The following NFIB variants were observed in gnomAD, a reference collection of about 807,000 sequenced individuals.
The protein encoded by NFIB is nuclear factor 1 B-type.
A neutral mutation model predicts 61.5 loss-of-function variants in NFIB; 11 were observed. The ratio of observed to expected loss-of-function variants is 0.18; its 90% CI spans 0.11 to 0.30. NFIB has a LOEUF of 0.30. Ranked by LOEUF, NFIB falls within the 10% of genes least tolerant of loss-of-function variation. NFIB has a pLI of 1.00. For synonymous variants in NFIB, 260 were observed against 216.5 expected, an observed-to-expected ratio of 1.20 and a Z score of -1.76; for missense variants, 471 against 608.9, an observed-to-expected ratio of 0.77 and a Z score of 2.38.
At chr9:14,507,951 CACAG>C in the NFIB span, among the ~76,000 whole-genome samples, 1 of 144,444 alleles carries the variant, frequency 6.9e-6, no homozygotes, top group Non-Finnish European at 1.5e-5. Context: ...CACACACAGA[CACAG>C]ACACAGACAC....
intron 1 of NFIB, among the ~76,000 whole-genome samples, chr9:14,380,369 T>C (rs2061473628): frequency 6.6e-6 from 1 of 152,236 alleles, no homozygotes. Context: ...CTAGGACTGA[T>C]GCTTGCCTAA....
the NFIB span, among the ~76,000 whole-genome samples, chr9:14,506,024 G>A: frequency 7.7e-4 from 117 of 152,216 alleles, no homozygotes; most frequent in African/African-American, 2.7e-3. Flanking sequence ...TAAAACATAT[G>A]CAGCCAAATA....
intron 6 of NFIB, among the ~76,000 whole-genome samples, chr9:14,137,493 T>C (rs2041197440): frequency 6.6e-6 from 1 of 152,322 alleles, no homozygotes; most frequent in South Asian, 2.1e-4. Context: ...ACTGAAGATC[T>C]TCAAATTCTT....
the NFIB span, among the ~76,000 whole-genome samples, chr9:14,418,543 T>C: frequency 6.6e-6 from 1 of 152,164 alleles, no homozygotes; most frequent in Non-Finnish European, 1.5e-5. Flanking sequence ...GTGTGTGGTT[T>C]GCTGCATGGA....
At chr9:14,510,636 AT>A in the NFIB span, among the ~76,000 whole-genome samples, 9,176 of 152,236 alleles carry the variant, frequency 0.06, 363 homozygotes, top group Middle Eastern at 0.12. Flanking sequence ...ATTTAAAAGT[AT>A]TTTTTATTTT....
At position 14,314,080 on chromosome 9, in the gene NFIB, G is replaced by A; in HGVS notation, c.-569C>T. The A allele has an allele frequency of 9.5e-7, 1 of 1,056,304 alleles. No individual in the cohort carries two copies. Among genetic ancestry groups the A allele is most frequent in the Non-Finnish European group, 1.1e-6 (1 of 874,042 alleles). The allele number at this position is 1,056,304 out of a possible 1,614,324, so 65.4% of individuals were successfully genotyped here. The stretch of plus-strand genomic sequence containing the variant: ...GCGGCAGGATCCCGGAGTGGTGATC[G>A]CAGGCGAAACTTTGCCGCGAGCCGA... On this transcript the variant is annotated 5_prime_UTR_variant, in exon 1 of 11. Coordinates refer to ENST00000380953, the MANE Select transcript of NFIB (RefSeq NM_001190737.2).
intron 3 of NFIB, among the ~76,000 whole-genome samples, chr9:14,172,046 A>G (rs1275555320): frequency 6.6e-6 from 1 of 152,154 alleles, no homozygotes; most frequent in Non-Finnish European, 1.5e-5. Context: ...TAAACAGAGC[A>G]TGGCCAACTA....
chr9:14,482,838 G>C, the NFIB span, among the ~76,000 whole-genome samples: 1 of 152,130 alleles, frequency 6.6e-6, no homozygotes, highest in Non-Finnish European at 1.5e-5. Flanking sequence ...TATTTAAACA[G>C]TTTAAAAACA....
chr9:14,292,556 T>C (rs2059173087), intron 2 of NFIB, among the ~76,000 whole-genome samples: 1 of 152,228 alleles, frequency 6.6e-6, no homozygotes, highest in Non-Finnish European at 1.5e-5. Flanking sequence ...CCTAGGATGC[T>C]AGAGCTAACA....
the NFIB span, among the ~76,000 whole-genome samples, chr9:14,443,993 T>C: frequency 6.6e-6 from 1 of 152,204 alleles, no homozygotes; most frequent in East Asian, 1.9e-4. Context: ...CCCCAAACTA[T>C]TTTTCTGGTA....
the NFIB span, among the ~76,000 whole-genome samples, chr9:14,410,722 A>G: frequency 6.6e-6 from 1 of 152,148 alleles, no homozygotes; most frequent in African/African-American, 2.4e-5. Context: ...TTTTGCCACT[A>G]GTTTTGACAC....
At chr9:14,405,404 C>T in the NFIB span, among the ~76,000 whole-genome samples, 1 of 152,110 alleles carries the variant, frequency 6.6e-6, no homozygotes, top group Non-Finnish European at 1.5e-5. Context: ...ATAACAAAAA[C>T]CTAAAATGTC....
At chr9:14,287,572 A>AC (rs376066429) in intron 2 of NFIB, among the ~76,000 whole-genome samples, 22 of 151,832 alleles carry the variant, frequency 1.4e-4, no homozygotes, top group African/African-American at 5.3e-4. Flanking sequence ...ACAGGTGCGC[A>AC]CCACCAGGCC....
intron 10 of NFIB, among the ~76,000 whole-genome samples, chr9:14,092,603 T>C (rs982255452): frequency 6.6e-6 from 1 of 152,110 alleles, no homozygotes; most frequent in East Asian, 1.9e-4. Context: ...GCAAAATTAA[T>C]TGGCTTCAGG....
chr9:14,516,582 G>T, the NFIB span, among the ~76,000 whole-genome samples: 1 of 152,204 alleles, frequency 6.6e-6, no homozygotes, highest in Non-Finnish European at 1.5e-5. Flanking sequence ...TCAAGCAAAA[G>T]CAAGTCCATA....
chr9:14,095,083 C>T (rs1312938610), intron 10 of NFIB, among the ~76,000 whole-genome samples: 2 of 152,030 alleles, frequency 1.3e-5, no homozygotes, highest in East Asian at 1.9e-4. Context: ...TTACTGCACT[C>T]GTTTAGTAAA....
At chr9:14,310,525 C>T (rs2060230059) in intron 1 of NFIB, among the ~76,000 whole-genome samples, 1 of 152,058 alleles carries the variant, frequency 6.6e-6, no homozygotes, top group African/African-American at 2.4e-5. Context: ...GAATATGGAA[C>T]ATAATAACTG....
chr9:14,149,125 C>T (rs2131142286), intron 5 of NFIB, among the ~76,000 whole-genome samples: 1 of 152,214 alleles, frequency 6.6e-6, no homozygotes, highest in South Asian at 2.1e-4. Flanking sequence ...ATTTCTAAGA[C>T]TTTGATATGT....
the NFIB span, among the ~76,000 whole-genome samples, chr9:14,479,237 G>A: frequency 6.6e-6 from 1 of 152,296 alleles, no homozygotes; most frequent in African/African-American, 2.4e-5. Flanking sequence ...GCACCCTTGT[G>A]GGGGATTGCA....
Sources: gnomAD v4.1 joint callset for allele counts (sites outside exome capture counted in the v4.1 genomes callset) on GRCh38, gnomAD v4.1.1 for gene constraint, MANE v1.5 for transcripts, NCBI Gene and HGNC (gene_info 2026-07-23, HGNC 2026-07-21) for gene names.